GRIK1: variants seen among roughly 807,000 people sequenced by gnomAD.
GRIK1 encodes the protein glutamate receptor ionotropic, kainate 1.
A neutral mutation model predicts 105.7 loss-of-function variants in GRIK1; 69 were observed. That is an observed-to-expected ratio of 0.65 (90% confidence interval 0.54 to 0.80). The LOEUF is 0.80. Among genes scored for constraint, GRIK1 ranks in the 30% least tolerant of loss-of-function variants. GRIK1 has a pLI of 0.00. For missense variants in GRIK1, 1,109 were observed against 1,167.3 expected, an observed-to-expected ratio of 0.95 and a Z score of 0.73; for synonymous variants, 438 against 431.3, an observed-to-expected ratio of 1.02 and a Z score of -0.19.
At chr21:29,882,050 G>A (rs536379073) in intron 1 of GRIK1, among the ~76,000 whole-genome samples, 3 of 152,174 alleles carry the variant, frequency 2.0e-5, no homozygotes, top group East Asian at 3.9e-4. Flanking sequence ...AAAGGTATCT[G>A]AGGCAAAGCC....
intron 1 of GRIK1, among the ~76,000 whole-genome samples, chr21:29,747,806 C>T (rs1051370884): frequency 5.3e-5 from 8 of 152,050 alleles, no homozygotes; most frequent in Non-Finnish European, 8.8e-5. Context: ...TTCAGCCTGG[C>T]GACAGAGCAT....
At position 29,610,230 on chromosome 21, in the gene GRIK1, A is replaced by G. The variant is rs57775217; in HGVS notation, c.1099-11293T>C. Among the ~76,000 whole-genome samples, 1,024 of 152,216 alleles carry G rather than the reference A, an allele frequency of 6.7e-3. 7 individuals carry two copies. Among genetic ancestry groups the G allele is most frequent in the African/African-American group, 0.023 (944 of 41,550 alleles). On this transcript the variant is annotated intron_variant, in intron 7 of 17. Transcript: ENST00000327783. ...ATGCATTTCTTGAATGGAGTTTCTTACCTTTGTGTGGTAGGGTGAATAAAT... is the reference window on the plus strand; with the variant it reads ...ATGCATTTCTTGAATGGAGTTTCTTGCCTTTGTGTGGTAGGGTGAATAAAT...
chr21:29,891,625 A>G (rs891482808), intron 1 of GRIK1, among the ~76,000 whole-genome samples: 3 of 152,174 alleles, frequency 2.0e-5, no homozygotes, highest in Non-Finnish European at 2.9e-5. Flanking sequence ...GCAAGCATTG[A>G]GCTTGTCGGA....
At chr21:29,776,999 A>G (rs2065962666) in intron 1 of GRIK1, among the ~76,000 whole-genome samples, 1 of 152,202 alleles carries the variant, frequency 6.6e-6, no homozygotes, top group Non-Finnish European at 1.5e-5. Context: ...GGGAAGTACA[A>G]GACTGGTCCT....
chr21:29,846,386 CAAA>C (rs1201201107), intron 1 of GRIK1, among the ~76,000 whole-genome samples: 1 of 34,110 alleles, frequency 2.9e-5, no homozygotes. Context: ...GAAACTCAGT[CAAA>C]AAAAAAAAAA....
In GRIK1 at chr21:29,619,074, C is replaced by G. The variant is rs565032677; in HGVS notation, c.1099-20137G>C. Among the ~76,000 whole-genome samples, 5 of 145,882 alleles carry G rather than the reference C, an allele frequency of 3.4e-5. No homozygotes were observed. The East Asian group carries it at 1.0e-3, about 29-fold the overall frequency. On this transcript the variant is annotated intron_variant, in intron 7 of 17. Coordinates refer to ENST00000327783, the MANE Select transcript of GRIK1 (RefSeq NM_001330994.2). The stretch of plus-strand genomic sequence containing the variant: ...CCAGGAGGCGGAGCTTGCAGTGAGC[C>G]GAGATTGTGCCACTGCACTCCAGCC...
intron 11 of GRIK1, among the ~76,000 whole-genome samples, chr21:29,587,990 T>G (rs7280709): frequency 5.1e-4 from 67 of 131,254 alleles, no homozygotes; most frequent in African/African-American, 2.0e-3. Flanking sequence ...TTTTTTTTTT[T>G]GTGAGGCGGA....
At chr21:29,573,847 C>T (rs938533140) in intron 14 of GRIK1, among the ~76,000 whole-genome samples, 2 of 142,086 alleles carry the variant, frequency 1.4e-5, no homozygotes, top group African/African-American at 2.8e-5. Context: ...AGCAAGACTC[C>T]GTCTGGAAAA....
At chr21:29,854,541 T>G (rs1204557921) in intron 1 of GRIK1, among the ~76,000 whole-genome samples, 1 of 152,054 alleles carries the variant, frequency 6.6e-6, no homozygotes, top group Non-Finnish European at 1.5e-5. Context: ...ATGCCTGGAA[T>G]GGACTTGGGT....
chr21:29,871,616 G>A (rs1244179264), intron 1 of GRIK1, among the ~76,000 whole-genome samples: 1 of 152,008 alleles, frequency 6.6e-6, no homozygotes, highest in Non-Finnish European at 1.5e-5. Flanking sequence ...GGTGATTTAA[G>A]GCAATGTATG....
intron 3 of GRIK1, among the ~76,000 whole-genome samples, chr21:29,686,632 G>A (rs2063491286): frequency 6.6e-6 from 1 of 152,212 alleles, no homozygotes; most frequent in Non-Finnish European, 1.5e-5. Flanking sequence ...GGGTCCATTC[G>A]TTTACATATT....
intron 1 of GRIK1, among the ~76,000 whole-genome samples, chr21:29,851,586 T>G (rs892392999): frequency 6.6e-6 from 1 of 152,204 alleles, no homozygotes; most frequent in Non-Finnish European, 1.5e-5. Flanking sequence ...TTAGCTTGAG[T>G]CCTGGTTCTG....
At chr21:29,795,318 G>A (rs916316675) in intron 1 of GRIK1, among the ~76,000 whole-genome samples, 24 of 152,054 alleles carry the variant, frequency 1.6e-4, no homozygotes, top group African/African-American at 5.8e-4. Context: ...TTACAGGCAT[G>A]AGCCACCGTG....
In GRIK1 at chr21:29,599,188, T is replaced by C. The variant is rs363459; in HGVS notation, c.1099-251A>G. Among the ~76,000 whole-genome samples, 385 of 152,292 alleles carry C rather than the reference T, an allele frequency of 2.5e-3. 3 individuals carry two copies. The highest frequency in any genetic ancestry group is 0.015 in the East Asian group (77 of 5,180). Reference sequence around the variant, plus strand: ...TCATCGTGGCTACCTAAATGGACAGTATGGAAAGAATTGCCGTAAAACAGT... The same window carrying C: ...TCATCGTGGCTACCTAAATGGACAGCATGGAAAGAATTGCCGTAAAACAGT... On this transcript the variant is annotated intron_variant, in intron 7 of 17. Coordinates refer to ENST00000327783, the MANE Select transcript of GRIK1 (RefSeq NM_001330994.2).
chr21:29,854,539 A>C (rs1234260354), intron 1 of GRIK1, among the ~76,000 whole-genome samples: 2 of 152,174 alleles, frequency 1.3e-5, no homozygotes, highest in Non-Finnish European at 1.5e-5. Flanking sequence ...CTATGCCTGG[A>C]ATGGACTTGG....
intron 1 of GRIK1, among the ~76,000 whole-genome samples, chr21:29,775,289 A>T (rs2065914894): frequency 6.6e-6 from 1 of 151,926 alleles, no homozygotes; most frequent in Admixed American, 6.6e-5. Flanking sequence ...AAAAAAAAAA[A>T]AAAAAAAAAG....
At chr21:29,656,494 T>A (rs1039201335) in intron 4 of GRIK1, among the ~76,000 whole-genome samples, 2 of 149,942 alleles carry the variant, frequency 1.3e-5, no homozygotes, top group African/African-American at 4.9e-5. Context: ...AGTTTTTATA[T>A]CAAAGACTCT....
At chr21:29,729,778 C>A (rs2064564722) in intron 1 of GRIK1, among the ~76,000 whole-genome samples, 1 of 152,052 alleles carries the variant, frequency 6.6e-6, no homozygotes, top group South Asian at 2.1e-4. Flanking sequence ...GAGATGTTAC[C>A]TATATGTAAG....
chr21:29,871,276 A>C (rs145932061), intron 1 of GRIK1, among the ~76,000 whole-genome samples: 1 of 152,222 alleles, frequency 6.6e-6, no homozygotes, highest in African/African-American at 2.4e-5. Context: ...CAATAATAAA[A>C]CCAGCATTTA....
Sources: gnomAD v4.1 joint callset for allele counts (sites outside exome capture counted in the v4.1 genomes callset) on GRCh38, gnomAD v4.1.1 for gene constraint, MANE v1.5 for transcripts, NCBI Gene and HGNC (gene_info 2026-07-23, HGNC 2026-07-21) for gene names.